The following NSD2 variants were observed in gnomAD, a reference collection of about 807,000 sequenced individuals.
NSD2 encodes the protein histone-lysine N-methyltransferase NSD2.
In NSD2, 12 loss-of-function variants were observed where a neutral mutation model predicts 139.0. The ratio of observed to expected loss-of-function variants is 0.09; its 90% confidence interval spans 0.06 to 0.14. The LOEUF (loss-of-function observed/expected upper bound fraction) is 0.14, where lower values mean the gene tolerates loss of function less well. Ranked by LOEUF, NSD2 falls within the 10% of genes least tolerant of loss-of-function variation. The pLI is 1.00. For synonymous variants in NSD2, 669 were observed against 648.7 expected (o/e 1.03, Z -0.48); for missense variants, 1,155 against 1,745.0 (o/e 0.66, Z 6.02).
intron 9 of NSD2, chr4:1,946,895 C>T: frequency 2.8e-6 from 3 of 1,059,602 alleles, no homozygotes; most frequent in Non-Finnish European, 3.4e-6. Flanking sequence ...CGTGTTAGGT[C>T]CACATTTGTG....
intron 1 of NSD2, chr4:1,893,792 G>C (rs1715869140): frequency 6.6e-6 from 1 of 152,154 alleles, no homozygotes; most frequent in Non-Finnish European, 1.5e-5. Context: ...CGATCTACCT[G>C]CCTCGTCCTC....
chr4:1,892,134 T>C (rs1046088224), intron 1 of NSD2: 6 of 152,148 alleles, frequency 3.9e-5, no homozygotes, highest in African/African-American at 1.2e-4. Context: ...TGGTTCTTTA[T>C]TTTTATTTCT....
chr4:1,919,768 C>T (rs1328035191), intron 5 of NSD2, among the ~76,000 whole-genome samples: 1 of 151,952 alleles, frequency 6.6e-6, no homozygotes, highest in Non-Finnish European at 1.5e-5. Context: ...CCCGTCTCTA[C>T]TAAAAATACA....
chr4:1,938,426 T>TTTTTTTTTTTTTTTTTTTTTTTTG, intron 7 of NSD2, 25 bp from the exon 8 acceptor site: 1 of 1,165,598 alleles, frequency 8.6e-7, no homozygotes, highest in Non-Finnish European at 1.1e-6. Context: ...CTTTTTTTTT[T>TTTTTTTTTTTTTTTTTTTTTTTTG]TTTTTTTTTT....
In NSD2 at chr4:1,955,380, A is replaced by C. The variant is rs373904948; in HGVS notation, c.2518+40A>C. The C allele has an allele frequency of 1.9e-6, 3 of 1,574,804 alleles. No individual in the cohort carries two copies. In the African/African-American group the frequency reaches 4.0e-5, roughly 21 times the overall value. On this transcript the variant is annotated intron_variant, in intron 13 of 21. Transcript: ENST00000508803. The surrounding 1 kb of genome is among the most constrained non-coding windows in gnomAD (Gnocchi z 4.7). The stretch of plus-strand genomic sequence containing the variant: ...GGTGTCTGCGGCACACGCCTCTCAC[A>C]CTCCCAGGAGCCACATATCAAGGCA...
chr4:1,889,353 C>A (rs1404263652), intron 1 of NSD2, among the ~76,000 whole-genome samples: 1 of 152,096 alleles, frequency 6.6e-6, no homozygotes, highest in Non-Finnish European at 1.5e-5. Context: ...GCTTCCACAC[C>A]CAGCTAACTT....
chr4:1,957,288 G>GTT (rs201986259), intron 15 of NSD2, among the ~76,000 whole-genome samples: 15 of 141,366 alleles, frequency 1.1e-4, no homozygotes, highest in Admixed American at 1.4e-4. Context: ...TTTTGTTTTT[G>GTT]TTTTTTTTTT....
chr4:1,967,733 A>G (rs1393232938), intron 18 of NSD2, among the ~76,000 whole-genome samples: 2 of 152,176 alleles, frequency 1.3e-5, no homozygotes, highest in Admixed American at 1.3e-4. Flanking sequence ...GCCAGAGAAG[A>G]AAGGCTTTCA....
In NSD2 at chr4:1,979,049, G is replaced by A; in HGVS notation, c.*140G>A. 9.0e-7 allele frequency: 1 copy of A among 1,110,362 alleles called. No homozygotes were observed. Among genetic ancestry groups the A allele is most frequent in the Non-Finnish European group, 1.2e-6 (1 of 819,648 alleles). 68.8% of individuals were successfully genotyped at this position (1,110,362 alleles called of 1,614,324 possible). ...GACGTACAGGCCTCCTCGGGAGGGA[G>A]CGCCTCCCCACCACTGAGCCATCCT... On this transcript the variant is annotated 3_prime_UTR_variant, in exon 22 of 22. Transcript: ENST00000508803.
At chr4:1,895,455 C>T (rs1315056831) in intron 1 of NSD2, among the ~76,000 whole-genome samples, 1 of 152,146 alleles carries the variant, frequency 6.6e-6, no homozygotes, top group Non-Finnish European at 1.5e-5. Context: ...CTTGCTGATT[C>T]TCTCAGATTT....
chr4:1,901,985 C>T (rs1010476767), intron 2 of NSD2, among the ~76,000 whole-genome samples: 7 of 152,174 alleles, frequency 4.6e-5, no homozygotes, highest in Non-Finnish European at 1.0e-4. Context: ...GGCCCTGACA[C>T]TCGGATGAGT....
In NSD2 at chr4:1,951,086, G is replaced by A. The variant is rs758519104; in HGVS notation, c.1896G>A (p.Pro632=). Reference sequence around the variant, plus strand: ...TTCATCTCTAGGTCTCGGACAGCCCGGGAGACGAGCCCTCGGAGTCCCCAT... The same window carrying A: ...TTCATCTCTAGGTCTCGGACAGCCCAGGAGACGAGCCCTCGGAGTCCCCAT... ...SLTENEVSDS[P]GDEPSESPYE... The change falls in exon 10 of 22, where the codon CCG becomes CCA. Residue 632 remains proline (P), a synonymous_variant. Coordinates refer to ENST00000508803, the MANE Select transcript of NSD2 (RefSeq NM_001042424.3). 1.2e-5 allele frequency: 19 copies of A among 1,614,024 alleles called. No homozygotes were observed. In the South Asian group the frequency reaches 1.6e-4, roughly 14 times the overall value.
chr4:1,903,530 C>A (rs1176173890), intron 2 of NSD2, among the ~76,000 whole-genome samples: 1 of 152,116 alleles, frequency 6.6e-6, no homozygotes, highest in East Asian at 1.9e-4. Context: ...AACTGATCGT[C>A]AGACATGACT....
At chr4:1,970,779 C>T (rs997947564) in intron 18 of NSD2, among the ~76,000 whole-genome samples, 9 of 151,986 alleles carry the variant, frequency 5.9e-5, no homozygotes, top group Admixed American at 3.3e-4. Flanking sequence ...ATGTAATGTC[C>T]GGGACATTAC....
Position 1,900,939 on chromosome 4 carries a change from T to C in NSD2, c.285T>C (p.Asp95=), listed in dbSNP as rs750076380. The C allele has an allele frequency of 1.4e-5, 23 of 1,614,180 alleles. No homozygotes were observed. In the South Asian group the frequency reaches 2.2e-4, roughly 15 times the overall value. ...RVFNGEPGAH[D]AKLRFESQEM... is the part of the protein sequence containing the mutation. ...TTAATGGAGAACCCGGCGCACACGA[T>C]GCCAAACTGCGTTTTGAGTCCCAGG... The change falls in exon 2 of 22, where the codon GAT becomes GAC. Residue 95 remains aspartate, a synonymous_variant. Coordinates refer to ENST00000508803, the MANE Select transcript of NSD2 (RefSeq NM_001042424.3).
In NSD2 at chr4:1,920,996, C is replaced by T. The variant is rs183362848; in HGVS notation, c.1410+2373C>T. The stretch of plus-strand genomic sequence containing the variant: ...AAGGCTGTGGTGAACCATGATCATG[C>T]CATTGCACTCTAGTCTGGGCCACAG... On this transcript the variant is annotated intron_variant, in intron 5 of 21. Transcript: ENST00000508803. Among the ~76,000 whole-genome samples, 167 of 152,260 alleles carry T rather than the reference C, an allele frequency of 1.1e-3. 1 individual carries two copies. The highest frequency in any genetic ancestry group is 3.9e-3 in the African/African-American group (164 of 41,532).
At chr4:1,944,502 A>G in intron 9 of NSD2, 3 of 1,065,658 alleles carry the variant, frequency 2.8e-6, no homozygotes, top group Non-Finnish European at 3.4e-6. Context: ...ACTTCAGACC[A>G]TCTTCCACAC....
In NSD2 at chr4:1,883,514, C is replaced by T. The variant is rs569616463; in HGVS notation, c.-30+11972C>T. ...GGGCGTGGTGGCGCACACCTGTAAC[C>T]CCAGCTACTCAGGAGGCTGAGGCAC... On this transcript the variant is annotated intron_variant, in intron 1 of 21. Transcript: ENST00000508803. 3.6e-3 allele frequency among the ~76,000 whole-genome samples: 552 copies of T among 152,116 alleles called. 3 individuals are homozygous for T. The highest frequency in any genetic ancestry group is 7.1e-3 in the Non-Finnish European group (483 of 68,002).
intron 1 of NSD2, among the ~76,000 whole-genome samples, chr4:1,877,609 G>T (rs1310800630): frequency 6.6e-6 from 1 of 152,148 alleles, no homozygotes; most frequent in Non-Finnish European, 1.5e-5. Context: ...GCCCCACACT[G>T]AATGCTGTGC....
Sources: gnomAD v4.1 joint callset for allele counts (sites outside exome capture counted in the v4.1 genomes callset) on GRCh38, gnomAD v4.1.1 for gene constraint, Gnocchi (gnomAD v3.1) non-coding constraint, MANE v1.5 for transcripts, NCBI Gene and HGNC (gene_info 2026-07-23, HGNC 2026-07-21) for gene names.